The following CA10 variants were observed in gnomAD, a reference collection of about 807,000 sequenced individuals.
CA10 encodes the protein carbonic anhydrase-related protein 10.
A neutral mutation model predicts 44.2 loss-of-function variants in CA10; 14 were observed. The ratio of observed to expected loss-of-function variants is 0.32; its 90% confidence interval spans 0.21 to 0.50. The LOEUF is 0.50. CA10 is among the 20% of genes least tolerant of loss of function. The pLI is 0.99. For synonymous variants in CA10, 159 were observed against 141.6 expected, an observed-to-expected ratio of 1.12 and a Z score of -0.87; for missense variants, 350 against 409.7, an observed-to-expected ratio of 0.85 and a Z score of 1.26.
At chr17:51,878,889 T>TGG (rs1980227349) in intron 3 of CA10, among the ~76,000 whole-genome samples, 1 of 36,510 alleles carries the variant, frequency 2.7e-5, no homozygotes, top group African/African-American at 1.2e-4. Flanking sequence ...TATATATATA[T>TGG]ATGGGTGTGT....
At chr17:51,748,473 C>T in intron 3 of CA10, 2 of 985,492 alleles carry the variant, frequency 2.0e-6, no homozygotes, top group Non-Finnish European at 2.4e-6. Context: ...AAACTGCTAA[C>T]ATGACTGCTT....
chr17:51,733,270 A>G (rs1485559181), intron 4 of CA10, among the ~76,000 whole-genome samples: 1 of 152,160 alleles, frequency 6.6e-6, no homozygotes, highest in Non-Finnish European at 1.5e-5. Context: ...CCAAATTGCC[A>G]CACGCTCCAG....
intron 4 of CA10, among the ~76,000 whole-genome samples, chr17:51,744,980 T>C (rs1382776794): frequency 6.6e-6 from 1 of 152,214 alleles, no homozygotes; most frequent in Non-Finnish European, 1.5e-5. Context: ...ATACGATGAC[T>C]GCATCTACCC....
intron 3 of CA10, among the ~76,000 whole-genome samples, chr17:51,913,282 G>A (rs1981860228): frequency 1.3e-5 from 2 of 152,126 alleles, no homozygotes; most frequent in Non-Finnish European, 2.9e-5. Context: ...CAGAAAAGCA[G>A]GGGGGAGGAA....
At chr17:51,731,005 C>T (rs1352546655) in intron 4 of CA10, among the ~76,000 whole-genome samples, 1 of 152,120 alleles carries the variant, frequency 6.6e-6, no homozygotes, top group African/African-American at 2.4e-5. Flanking sequence ...ATAAGACGGT[C>T]CCTGACTGGG....
chr17:51,826,084 C>T (rs1431198318), intron 3 of CA10, among the ~76,000 whole-genome samples: 3 of 152,174 alleles, frequency 2.0e-5, no homozygotes, highest in African/African-American at 7.2e-5. Flanking sequence ...TGGGGCCTGC[C>T]CAGTAGAATG....
At chr17:52,002,350 A>G (rs1353571195) in intron 2 of CA10, among the ~76,000 whole-genome samples, 2 of 151,952 alleles carry the variant, frequency 1.3e-5, no homozygotes, top group African/African-American at 2.4e-5. Flanking sequence ...GCCAGAGGGC[A>G]TGTGAGCCAA....
At chr17:51,904,065 G>A (rs897070187) in intron 3 of CA10, among the ~76,000 whole-genome samples, 10 of 151,772 alleles carry the variant, frequency 6.6e-5, no homozygotes, top group African/African-American at 2.2e-4. Flanking sequence ...TATCTGGTAT[G>A]CATCACAGGG....
intron 2 of CA10, among the ~76,000 whole-genome samples, chr17:51,994,580 T>C (rs1168508975): frequency 6.6e-6 from 1 of 152,010 alleles, no homozygotes. Flanking sequence ...GTATCTGGTT[T>C]CTAATTTTGG....
chr17:51,950,170 C>T (rs986738029), intron 2 of CA10, among the ~76,000 whole-genome samples: 1 of 152,040 alleles, frequency 6.6e-6, no homozygotes, highest in African/African-American at 2.4e-5. Context: ...GTCCACTAGC[C>T]ACTTGGTTCA....
At chr17:51,844,838 C>CAGAA (rs1978420179) in intron 3 of CA10, among the ~76,000 whole-genome samples, 1 of 152,170 alleles carries the variant, frequency 6.6e-6, no homozygotes, top group South Asian at 2.1e-4. Context: ...GAAACACCCA[C>CAGAA]ACCCACCGCA....
At chr17:51,815,212 T>G (rs1907518972) in intron 3 of CA10, among the ~76,000 whole-genome samples, 1 of 152,062 alleles carries the variant, frequency 6.6e-6, no homozygotes, top group Non-Finnish European at 1.5e-5. Flanking sequence ...GGGATGATGA[T>G]GAATGCCCTA....
chr17:51,682,338 C>A (rs554742596), intron 4 of CA10, among the ~76,000 whole-genome samples: 5 of 152,246 alleles, frequency 3.3e-5, no homozygotes, highest in African/African-American at 1.2e-4. Context: ...AAACCGCTGG[C>A]AAAATGAAAC....
At chr17:51,833,736 T>C (rs908359089) in intron 3 of CA10, among the ~76,000 whole-genome samples, 3 of 152,186 alleles carry the variant, frequency 2.0e-5, no homozygotes, top group African/African-American at 7.2e-5. Context: ...AATATGTATA[T>C]ATATATTAGA....
intron 4 of CA10, among the ~76,000 whole-genome samples, chr17:51,681,635 C>T (rs1453806682): frequency 2.6e-5 from 4 of 152,112 alleles, no homozygotes; most frequent in South Asian, 2.1e-4. Flanking sequence ...ATATGGTCCT[C>T]GATCGAGACC....
At chr17:51,873,487 C>T (rs9901727) in intron 3 of CA10, among the ~76,000 whole-genome samples, 19,478 of 152,234 alleles carry the variant, frequency 0.13, 1,625 homozygotes, top group African/African-American at 0.25. Context: ...AAAACTACAT[C>T]TCCCACACTC....
intron 2 of CA10, among the ~76,000 whole-genome samples, chr17:51,941,396 C>T (rs548575514): frequency 6.6e-6 from 1 of 152,256 alleles, no homozygotes; most frequent in African/African-American, 2.4e-5. Context: ...TTTAGTCTAA[C>T]AGTTGTATTA....
intron 3 of CA10, among the ~76,000 whole-genome samples, chr17:51,925,044 TTCTC>T (rs1350574568): frequency 2.6e-5 from 4 of 152,134 alleles, no homozygotes; most frequent in African/African-American, 4.8e-5. Flanking sequence ...TCTTTTTTGC[TTCTC>T]TCTCTTTCTC....
chr17:51,942,634 T>C lies in CA10; in HGVS notation c.137-11502A>G, dbSNP rs550519939. On this transcript the variant is annotated intron_variant, in intron 2 of 8. Transcript: ENST00000451037. ...TTTGAATATTGAACCTAGCTACTAG[T>C]AGCCTAATGCAGGTTCCCACTGCCA... Among the ~76,000 whole-genome samples, 3 of 151,676 alleles carry C rather than the reference T, an allele frequency of 2.0e-5. No homozygotes were observed. In the South Asian group the frequency reaches 6.3e-4, roughly 32 times the overall value.
Sources: gnomAD v4.1 joint callset for allele counts (sites outside exome capture counted in the v4.1 genomes callset) on GRCh38, gnomAD v4.1.1 for gene constraint, MANE v1.5 for transcripts, NCBI Gene and HGNC (gene_info 2026-07-23, HGNC 2026-07-21) for gene names.